Variants in KCNMB2 observed in about 807,000 individuals in gnomAD.
KCNMB2 encodes the protein potassium calcium-activated channel subfamily M regulatory beta subunit 2.
In KCNMB2, 9 loss-of-function variants were observed where a neutral mutation model predicts 24.5. The observed-to-expected ratio is 0.37, with a 90% CI of 0.22 to 0.64. The LOEUF is 0.64. KCNMB2 is among the 30% of genes least tolerant of loss of function. KCNMB2 has a pLI of 0.63. For synonymous variants in KCNMB2, 109 were observed against 104.4 expected, an observed-to-expected ratio of 1.04 and a Z score of -0.27; for missense variants, 226 against 284.3, an observed-to-expected ratio of 0.79 and a Z score of 1.47.
intron 1 of KCNMB2, among the ~76,000 whole-genome samples, chr3:178,556,953 C>A (rs1716145447): frequency 6.6e-6 from 1 of 152,104 alleles, no homozygotes; most frequent in South Asian, 2.1e-4. Context: ...GAGGAGGATG[C>A]ATAGAATCGT....
chr3:178,815,591 A>G (rs1028294329), intron 2 of KCNMB2, among the ~76,000 whole-genome samples: 1 of 152,150 alleles, frequency 6.6e-6, no homozygotes, highest in Non-Finnish European at 1.5e-5. Flanking sequence ...AATAATGGAC[A>G]TCTTTACTTT....
chr3:178,823,109 C>T (rs1354565206), intron 2 of KCNMB2, among the ~76,000 whole-genome samples: 3 of 152,198 alleles, frequency 2.0e-5, no homozygotes, highest in African/African-American at 7.2e-5. Flanking sequence ...GCTTTAGCTG[C>T]TAACGGACAC....
intron 1 of KCNMB2, chr3:178,757,060 T>C (rs1391666360): frequency 3.3e-5 from 5 of 151,522 alleles, no homozygotes; most frequent in African/African-American, 7.3e-5. Context: ...CCTTTCCTCA[T>C]TACACCCATC....
At chr3:178,570,875 A>G (rs1716752266) in intron 1 of KCNMB2, among the ~76,000 whole-genome samples, 1 of 152,192 alleles carries the variant, frequency 6.6e-6, no homozygotes, top group Non-Finnish European at 1.5e-5. Flanking sequence ...AATTTACACC[A>G]AAGTTTTATC....
chr3:178,757,177 A>C (rs1724091445), intron 1 of KCNMB2: 1 of 138,274 alleles, frequency 7.2e-6, no homozygotes, highest in Admixed American at 7.6e-5. Context: ...AGGTTCAAGA[A>C]GTAAAACCAA....
chr3:178,706,530 T>G (rs183162937), intron 1 of KCNMB2, among the ~76,000 whole-genome samples: 3 of 152,204 alleles, frequency 2.0e-5, no homozygotes, highest in Admixed American at 6.5e-5. Context: ...CTTGTACCCC[T>G]TTCTAATCTC....
intron 1 of KCNMB2, among the ~76,000 whole-genome samples, chr3:178,661,989 C>A (rs1408631285): frequency 6.6e-6 from 1 of 152,020 alleles, no homozygotes; most frequent in Non-Finnish European, 1.5e-5. Context: ...ATCAAGGAGA[C>A]AATAGATGGC....
At chr3:178,613,603 C>T (rs1020133905) in intron 1 of KCNMB2, among the ~76,000 whole-genome samples, 3 of 152,090 alleles carry the variant, frequency 2.0e-5, no homozygotes, top group Non-Finnish European at 4.4e-5. Flanking sequence ...TCACCAGATA[C>T]GCTACTCAAG....
At chr3:178,598,880 G>A (rs986341083) in intron 1 of KCNMB2, among the ~76,000 whole-genome samples, 16 of 151,972 alleles carry the variant, frequency 1.1e-4, no homozygotes, top group Admixed American at 7.9e-4. Context: ...ACTACACTTC[G>A]GGAGTTTTTG....
intron 1 of KCNMB2, among the ~76,000 whole-genome samples, chr3:178,539,728 A>AGT (rs555232642): frequency 1.6e-4 from 24 of 151,618 alleles, no homozygotes; most frequent in African/African-American, 4.6e-4. Flanking sequence ...AGAGAGAGAG[A>AGT]GTGTGTGTGT....
chr3:178,718,917 C>T (rs1282844388), intron 1 of KCNMB2, among the ~76,000 whole-genome samples: 4 of 152,136 alleles, frequency 2.6e-5, no homozygotes, highest in African/African-American at 9.7e-5. Context: ...TGAGATCTAT[C>T]CCATCACAGA....
At chr3:178,652,157 T>G (rs1720146249) in intron 1 of KCNMB2, among the ~76,000 whole-genome samples, 1 of 152,124 alleles carries the variant, frequency 6.6e-6, no homozygotes, top group Non-Finnish European at 1.5e-5. Context: ...GGAGAAAATT[T>G]TTATCTATCT....
At chr3:178,730,404 CA>C (rs1723107606) in intron 1 of KCNMB2, among the ~76,000 whole-genome samples, 22 of 92,704 alleles carry the variant, frequency 2.4e-4, no homozygotes, top group African/African-American at 8.5e-4. Context: ...TGTCCCCCAA[CA>C]CCCCCCCACA....
chr3:178,596,794 A>G (rs1208468311), intron 1 of KCNMB2, among the ~76,000 whole-genome samples: 1 of 152,066 alleles, frequency 6.6e-6, no homozygotes, highest in Non-Finnish European at 1.5e-5. Context: ...AGAAACTTCT[A>G]TGTTTCTAAA....
intron 1 of KCNMB2, among the ~76,000 whole-genome samples, chr3:178,793,487 C>T (rs1033657719): frequency 6.6e-6 from 1 of 151,836 alleles, no homozygotes. Context: ...AGAGAGCAAG[C>T]CACCAAGCGG....
chr3:178,573,410 G>C (rs7652236), intron 1 of KCNMB2, among the ~76,000 whole-genome samples: 2 of 151,902 alleles, frequency 1.3e-5, no homozygotes, highest in African/African-American at 4.8e-5. Context: ...ATTGTTTTAC[G>C]TTCAGTCTTA....
intron 1 of KCNMB2, among the ~76,000 whole-genome samples, chr3:178,800,955 T>C (rs2108447567): frequency 6.6e-6 from 1 of 152,200 alleles, no homozygotes; most frequent in South Asian, 2.1e-4. Flanking sequence ...TCTCACTCAT[T>C]TGTGGAAGCT....
chr3:178,566,743 C>T lies in KCNMB2; in HGVS notation c.-68+30032C>T, dbSNP rs184848213. 2.5e-3 allele frequency among the ~76,000 whole-genome samples: 380 copies of T among 152,258 alleles called. 3 individuals are homozygous for T. Among genetic ancestry groups the T allele is most frequent in the Non-Finnish European group, 3.4e-3 (231 of 68,012 alleles). The stretch of plus-strand genomic sequence containing the variant: ...TCCAGGAAACTCCATATGAATGTTG[C>T]TCAAGTGGGGACATTTCAGCAAAAA... On this transcript the variant is annotated intron_variant, in intron 1 of 4. Transcript: ENST00000452583.
intron 1 of KCNMB2, among the ~76,000 whole-genome samples, chr3:178,630,680 A>G (rs1719288174): frequency 6.6e-6 from 1 of 152,224 alleles, no homozygotes; most frequent in Non-Finnish European, 1.5e-5. Context: ...ATACCATGCC[A>G]TTCCCTCCTC....
Sources: gnomAD v4.1 joint callset for allele counts (sites outside exome capture counted in the v4.1 genomes callset) on GRCh38, gnomAD v4.1.1 for gene constraint, MANE v1.5 for transcripts, NCBI Gene and HGNC (gene_info 2026-07-23, HGNC 2026-07-21) for gene names.